Variants in ZNF600 observed in about 807,000 individuals in gnomAD.
ZNF600 encodes zinc finger protein 600, also known as zinc finger protein KR-ZNF1.
Under a neutral mutation model 7.3 loss-of-function variants are expected in ZNF600, and 4 were observed. The observed-to-expected ratio is 0.55, with a 90% CI of 0.27 to 1.25. ZNF600 has a LOEUF of 1.25. Ranked by LOEUF, ZNF600 falls within the 50% of genes most tolerant of loss-of-function variation. The probability of loss-of-function intolerance (pLI) is 0.12; values close to 1 mark genes in which losing one functional copy is unlikely to be tolerated. For missense variants in ZNF600, 911 were observed against 922.1 expected (o/e 0.99, Z 0.16); for synonymous variants, 290 against 308.9 (o/e 0.94, Z 0.64).
chr19:52,777,315 G>GAGGTT, intron 2 of ZNF600, among the ~76,000 whole-genome samples: 1 of 152,052 alleles, frequency 6.6e-6, no homozygotes, highest in Non-Finnish European at 1.5e-5. Context: ...AAGGCAGAGG[G>GAGGTT]GCAGGGAGCT....
intron 1 of ZNF600, among the ~76,000 whole-genome samples, chr19:52,785,817 A>C (rs2062758853): frequency 6.6e-6 from 1 of 151,534 alleles, no homozygotes; most frequent in South Asian, 2.1e-4. Flanking sequence ...CACTCTGGTG[A>C]GCCTCCCTCT....
At chr19:52,789,918 G>A (rs2062787045), upstream of ZNF600, among the ~76,000 whole-genome samples, 1 of 151,970 alleles carries the variant, frequency 6.6e-6, no homozygotes, top group Non-Finnish European at 1.5e-5. Context: ...GATTTGGGTA[G>A]GTAAAGGAAA....
chr19:52,831,689 A>G, the ZNF600 span, among the ~76,000 whole-genome samples: 1 of 151,984 alleles, frequency 6.6e-6, no homozygotes, highest in African/African-American at 2.4e-5. Context: ...TATTTTTATT[A>G]GAGATGGGGT....
the ZNF600 span, among the ~76,000 whole-genome samples, chr19:52,812,768 A>T: frequency 2.7e-4 from 32 of 118,882 alleles, no homozygotes; most frequent in African/African-American, 9.9e-4. Flanking sequence ...TCAATAAAAA[A>T]AAAAAAAAAA....
chr19:52,767,347 T>C (rs1243356422), exon 4 of ZNF600: 6 of 1,613,956 alleles, frequency 3.7e-6, no homozygotes, highest in Non-Finnish European at 3.4e-6. Flanking sequence ...CCATAGTTAT[T>C]AGAAATATGG....
the ZNF600 span, chr19:52,805,289 A>T: frequency 4.0e-5 from 6 of 151,084 alleles, no homozygotes; most frequent in Admixed American, 2.0e-4. Context: ...AAAAAAAGAA[A>T]TGAAAGAAGG....
At chr19:52,803,541 C>T in the ZNF600 span, among the ~76,000 whole-genome samples, 6 of 152,146 alleles carry the variant, frequency 3.9e-5, no homozygotes, top group Admixed American at 3.3e-4. Context: ...GAATTCTAAA[C>T]AATTCCCTCT....
intron 1 of ZNF600, among the ~76,000 whole-genome samples, chr19:52,783,078 G>A (rs1261830636): frequency 4.2e-5 from 6 of 143,558 alleles, no homozygotes. Context: ...AAAGGGAAGA[G>A]GGTGATCCAC....
chr19:52,829,773 A>G, the ZNF600 span, among the ~76,000 whole-genome samples: 2 of 151,964 alleles, frequency 1.3e-5, no homozygotes, highest in Non-Finnish European at 2.9e-5. Context: ...CAGCCTCCCA[A>G]AGTGCTGGGA....
At chr19:52,821,356 G>A in the ZNF600 span, among the ~76,000 whole-genome samples, 1 of 152,132 alleles carries the variant, frequency 6.6e-6, no homozygotes, top group Admixed American at 6.5e-5. Flanking sequence ...TACGAGATAG[G>A]AAGTGTATAC....
At chr19:52,798,767 T>G in the ZNF600 span, 1 of 646,218 alleles carries the variant, frequency 1.5e-6, no homozygotes, top group Non-Finnish European at 2.7e-6. Flanking sequence ...TTTATTACAC[T>G]TGTAAGATCT....
chr19:52,818,102 A>C, the ZNF600 span: 1 of 1,394,772 alleles, frequency 7.2e-7, no homozygotes, highest in Non-Finnish European at 9.7e-7. Context: ...AACAACACAT[A>C]CAAAGGAGAC....
chr19:52,780,215 A>G (rs1003515666), intron 1 of ZNF600, among the ~76,000 whole-genome samples: 2 of 152,114 alleles, frequency 1.3e-5, no homozygotes, highest in Admixed American at 6.6e-5. Flanking sequence ...TGCGCCGACC[A>G]CCCTGGGCAA....
chr19:52,772,322 G>A (rs1356901226), intron 3 of ZNF600, among the ~76,000 whole-genome samples: 2 of 151,840 alleles, frequency 1.3e-5, no homozygotes, highest in African/African-American at 4.8e-5. Flanking sequence ...AACAAAAAAG[G>A]CCAGACACAG....
intron 1 of ZNF600, chr19:52,781,427 T>C (rs2062720583): frequency 2.0e-5 from 3 of 152,128 alleles, no homozygotes; most frequent in Admixed American, 6.6e-5. Context: ...TCCCATGTGA[T>C]TGCCTGGAAG....
At chr19:52,777,116 C>A (rs117823718) in intron 2 of ZNF600, among the ~76,000 whole-genome samples, 16,216 of 152,128 alleles carry the variant, frequency 0.11, 1,072 homozygotes, top group Non-Finnish European at 0.13. Flanking sequence ...CGTGGTGGCT[C>A]AGGCCTGTAA....
chr19:52,802,341 C>T, the ZNF600 span, among the ~76,000 whole-genome samples: 2 of 151,678 alleles, frequency 1.3e-5, no homozygotes, highest in East Asian at 1.9e-4. Flanking sequence ...GCACTCCAGC[C>T]CAGGTGACAA....
chr19:52,791,393 G>T (rs1400391076), upstream of ZNF600, among the ~76,000 whole-genome samples: 1 of 152,236 alleles, frequency 6.6e-6, no homozygotes, highest in Non-Finnish European at 1.5e-5. Context: ...GCAAGTGAAT[G>T]TGTCAGACAA....
chr19:52,816,473 G>C, the ZNF600 span, among the ~76,000 whole-genome samples: 1 of 145,384 alleles, frequency 6.9e-6, no homozygotes, highest in Non-Finnish European at 1.5e-5. Flanking sequence ...GACCATCCTG[G>C]CTAACACGGT....
Sources: gnomAD v4.1 joint callset for allele counts (sites outside exome capture counted in the v4.1 genomes callset) on GRCh38, gnomAD v4.1.1 for gene constraint, MANE v1.5 for transcripts, NCBI Gene and HGNC (gene_info 2026-07-23, HGNC 2026-07-21) for gene names.